The following SLC24A3 variants were observed in gnomAD, a reference collection of about 807,000 sequenced individuals.
The protein encoded by SLC24A3 is solute carrier family 24 member 3.
In SLC24A3, 28 loss-of-function variants were observed where a neutral mutation model predicts 75.8. The ratio of observed to expected loss-of-function variants is 0.37; its 90% CI spans 0.27 to 0.51. The LOEUF (loss-of-function observed/expected upper bound fraction) is 0.51, where lower values mean the gene tolerates loss of function less well. Among genes scored for constraint, SLC24A3 ranks in the 20% least tolerant of loss-of-function variants. SLC24A3 has a pLI of 0.94. For missense variants in SLC24A3, 663 were observed against 847.8 expected (o/e 0.78, Z 2.71); for synonymous variants, 372 against 334.1 (o/e 1.11, Z -1.24).
chr20:19,685,494 GTC>G, intron 12 of SLC24A3, 133 bp downstream of exon 12: 1 of 1,408,220 alleles, frequency 7.1e-7, no homozygotes, highest in Non-Finnish European at 9.6e-7. Context: ...TGTATATCAA[GTC>G]TCCTTTGGGC....
At chr20:19,273,560 G>C (rs1200297501) in intron 1 of SLC24A3, among the ~76,000 whole-genome samples, 1 of 152,184 alleles carries the variant, frequency 6.6e-6, no homozygotes, top group Non-Finnish European at 1.5e-5. Flanking sequence ...GATCCTGCCA[G>C]GAGGGCTGCC....
chr20:19,446,399 A>G lies in SLC24A3; in HGVS notation c.272-69089A>G, dbSNP rs111565252. 4.5e-3 allele frequency among the ~76,000 whole-genome samples: 691 copies of G among 152,358 alleles called. 4 individuals are homozygous for G. Among genetic ancestry groups the G allele is most frequent in the South Asian group, 0.014 (66 of 4,826 alleles). On this transcript the variant is annotated intron_variant, in intron 2 of 16. Coordinates refer to ENST00000328041, the MANE Select transcript of SLC24A3 (RefSeq NM_020689.4). The stretch of plus-strand genomic sequence containing the variant: ...CCATTTCCTAACAGTAAGGAAAAAG[A>G]TGTTAATTCTCCATCCATGGATTGC...
chr20:19,434,760 T>G (rs1987167909), intron 2 of SLC24A3, among the ~76,000 whole-genome samples: 1 of 152,120 alleles, frequency 6.6e-6, no homozygotes, highest in African/African-American at 2.4e-5. Context: ...TTTTTTTTTT[T>G]TCTGGAAAGA....
intron 6 of SLC24A3, among the ~76,000 whole-genome samples, chr20:19,652,474 G>A (rs1190378148): frequency 6.6e-6 from 1 of 152,178 alleles, no homozygotes; most frequent in East Asian, 1.9e-4. Flanking sequence ...AGAGTTTACA[G>A]TACTGAGAGA....
intron 6 of SLC24A3, among the ~76,000 whole-genome samples, chr20:19,639,639 A>G (rs2032047981): frequency 6.6e-6 from 1 of 152,238 alleles, no homozygotes; most frequent in Non-Finnish European, 1.5e-5. Context: ...CGCACTCCTC[A>G]GCCCTTGGGT....
At chr20:19,425,401 G>C (rs1373467607) in intron 2 of SLC24A3, among the ~76,000 whole-genome samples, 1 of 151,796 alleles carries the variant, frequency 6.6e-6, no homozygotes, top group Non-Finnish European at 1.5e-5. Context: ...TGTTTTTCTT[G>C]ACATTATCAT....
chr20:19,223,379 A>C (rs1981784567), intron 1 of SLC24A3, among the ~76,000 whole-genome samples: 1 of 152,202 alleles, frequency 6.6e-6, no homozygotes, highest in Admixed American at 6.5e-5. Context: ...CTATAGTATA[A>C]TATCATAACC....
chr20:19,503,045 AAT>A (rs1396818860), intron 2 of SLC24A3, among the ~76,000 whole-genome samples: 1 of 151,086 alleles, frequency 6.6e-6, no homozygotes, highest in African/African-American at 2.4e-5. Context: ...AAAAAAAAAA[AAT>A]ACTAGATACA....
chr20:19,285,621 C>G (rs1983796782), intron 2 of SLC24A3, among the ~76,000 whole-genome samples: 1 of 138,904 alleles, frequency 7.2e-6, no homozygotes, highest in African/African-American at 2.7e-5. Flanking sequence ...TCCAACTTTT[C>G]TTTGCAATTG....
intron 2 of SLC24A3, among the ~76,000 whole-genome samples, chr20:19,383,164 G>T (rs1277670929): frequency 5.9e-5 from 9 of 152,136 alleles, no homozygotes; most frequent in Non-Finnish European, 8.8e-5. Context: ...TAATCATGAT[G>T]ATATACATAT....
intron 16 of SLC24A3, 75 bp downstream of exon 16, chr20:19,717,668 G>A: frequency 6.5e-7 from 1 of 1,537,284 alleles, no homozygotes; most frequent in Non-Finnish European, 9.0e-7. Context: ...GAGACCAGAT[G>A]AGCTTGGTCT....
Position 19,628,218 on chromosome 20 carries a change from A to AG in SLC24A3, c.613-25844_613-25843insG, listed in dbSNP as rs1355272241. Among the ~76,000 whole-genome samples, 13 of 151,012 alleles carry AG rather than the reference A, an allele frequency of 8.6e-5. No homozygotes were observed. The East Asian group carries it at 2.0e-3, about 23-fold the overall frequency. ...ACTCCATCTCAAAAAAAAAAAAAAA[A>AG]AAAAGAAAAAGAAAAAAGAAAAGAA... is the stretch of plus-strand genomic sequence containing the variant. On this transcript the variant is annotated intron_variant, in intron 6 of 16. Transcript: ENST00000328041.
At position 19,212,950 on chromosome 20, in the gene SLC24A3, G is replaced by C. The variant is rs1170626122; in HGVS notation, c.108G>C (p.Leu36=). Residue 36 remains leucine, a synonymous_variant, in exon 1 of 17, where the codon CTG becomes CTC. Coordinates refer to ENST00000328041, the MANE Select transcript of SLC24A3 (RefSeq NM_020689.4). ...QLCFLASVAL[L]LWSLSSLREQ... ...GCTTCCTGGCCTCGGTGGCGCTGCTGCTCTGGTCGCTGTCGAGCCTGCGAG... is the reference window on the plus strand; with the variant it reads ...GCTTCCTGGCCTCGGTGGCGCTGCTCCTCTGGTCGCTGTCGAGCCTGCGAG... 1 of 1,327,982 alleles carries C rather than the reference G, an allele frequency of 7.5e-7. No individual in the cohort carries two copies. Among genetic ancestry groups the C allele is most frequent in the Non-Finnish European group, 9.6e-7 (1 of 1,036,712 alleles). 82.3% of individuals were successfully genotyped at this position (1,327,982 alleles called of 1,614,324 possible). A position where few individuals can be genotyped will look rare whatever the true frequency, so the allele number is the denominator to read the frequency against.
chr20:19,511,607 G>T (rs750618048), intron 2 of SLC24A3, among the ~76,000 whole-genome samples: 2 of 152,134 alleles, frequency 1.3e-5, no homozygotes, highest in African/African-American at 2.4e-5. Context: ...GATTACAGGC[G>T]TGAGCCACCG....
chr20:19,349,321 C>T (rs761445927), intron 2 of SLC24A3, among the ~76,000 whole-genome samples: 1 of 152,174 alleles, frequency 6.6e-6, no homozygotes, highest in Non-Finnish European at 1.5e-5. Flanking sequence ...CTGAGTGTCC[C>T]CTTCTGCAGA....
intron 9 of SLC24A3, among the ~76,000 whole-genome samples, chr20:19,681,586 A>G (rs901983380): frequency 6.6e-6 from 1 of 152,218 alleles, no homozygotes; most frequent in Non-Finnish European, 1.5e-5. Flanking sequence ...CTGGCATGAA[A>G]GAGGTGGCAA....
rs371051051 is a variant in SLC24A3, at chr20:19,576,953, G to A, written c.349-3047G>A. On this transcript the variant is annotated intron_variant, in intron 3 of 16. Coordinates refer to ENST00000328041, the MANE Select transcript of SLC24A3 (RefSeq NM_020689.4). ...ACCTGCATATCATTGGATCAGCCAA[G>A]TCATACAGCAAAAGAGGGTTTGAGT... Among the ~76,000 whole-genome samples, 11 of 152,228 alleles carry A rather than the reference G, an allele frequency of 7.2e-5. No homozygotes were observed. In the East Asian group the frequency reaches 2.1e-3, roughly 29 times the overall value.
intron 6 of SLC24A3, among the ~76,000 whole-genome samples, chr20:19,613,212 A>G (rs1041870449): frequency 2.6e-5 from 4 of 152,206 alleles, no homozygotes; most frequent in Non-Finnish European, 5.9e-5. Flanking sequence ...ATAATTTAAA[A>G]TCTATTTGTG....
rs887053648 is a variant in SLC24A3, at chr20:19,615,565, A to T, written c.612+30021A>T. On this transcript the variant is annotated intron_variant, in intron 6 of 16. Coordinates refer to ENST00000328041, the MANE Select transcript of SLC24A3 (RefSeq NM_020689.4). ...GTGCTACACACTTTCAAACAACCAGATCTCTAAAAAATTCACTCACTATCA... is the reference window on the plus strand; with the variant it reads ...GTGCTACACACTTTCAAACAACCAGTTCTCTAAAAAATTCACTCACTATCA... Among the ~76,000 whole-genome samples, 7 of 152,248 alleles carry T rather than the reference A, an allele frequency of 4.6e-5. No homozygotes were observed. In the East Asian group the frequency reaches 1.2e-3, roughly 25 times the overall value.
Sources: allele counts gnomAD v4.1 joint callset (sites outside exome capture counted in the v4.1 genomes callset), GRCh38; gene constraint gnomAD v4.1.1; transcripts MANE v1.5; gene names NCBI Gene and HGNC (gene_info 2026-07-23, HGNC 2026-07-21).